The following LPA variants were observed in gnomAD, a reference collection of about 807,000 sequenced individuals.
LPA encodes the protein lipoprotein(a).
A neutral mutation model predicts 197.9 loss-of-function variants in LPA; 199 were observed. The observed-to-expected ratio is 1.01, with a 90% CI of 0.90 to 1.13. LPA has a LOEUF of 1.13. Among genes scored for constraint, LPA ranks in the 50% most tolerant of loss-of-function variants. LPA has a pLI of 0.00. For missense variants in LPA, 1,853 were observed against 1,785.8 expected (o/e 1.04, Z -0.68); for synonymous variants, 715 against 639.5 (o/e 1.12, Z -1.78).
intron 16 of LPA, among the ~76,000 whole-genome samples, chr6:160,610,571 C>G (rs1180717485): frequency 6.6e-6 from 1 of 152,124 alleles, no homozygotes; most frequent in East Asian, 1.9e-4. Flanking sequence ...TCTGTAGAAC[C>G]ATTTTCTGTG....
rs190587019 is a variant in LPA, at chr6:160,558,141, A to G, written c.4632-570T>C. On this transcript the variant is annotated intron_variant, in intron 28 of 38. Coordinates refer to ENST00000316300, the MANE Select transcript of LPA (RefSeq NM_005577.4). The stretch of plus-strand genomic sequence containing the variant: ...TCACCGTGTTAGCCAGGATGGTCTC[A>G]ATCTCCTGACCTCGTGATCCACCCA... 6.9e-3 allele frequency among the ~76,000 whole-genome samples: 1,052 copies of G among 152,018 alleles called. 15 individuals carry two copies. Among genetic ancestry groups the G allele is most frequent in the African/African-American group, 0.024 (994 of 41,474 alleles).
chr6:160,576,367 C>CATATATATATATATATATATGTAT (rs1778665884), intron 28 of LPA, among the ~76,000 whole-genome samples: 1 of 78,032 alleles, frequency 1.3e-5, no homozygotes, highest in African/African-American at 4.5e-5. Flanking sequence ...TATATATATA[C>CATATATATATATATATATATGTAT]ATATATATAT....
At chr6:160,544,359 GAAC>G (rs753869400) in intron 33 of LPA, among the ~76,000 whole-genome samples, 1 of 151,988 alleles carries the variant, frequency 6.6e-6, no homozygotes, top group Admixed American at 6.6e-5. Flanking sequence ...CGACAAAATA[GAAC>G]AAAAGCACCC....
At chr6:160,572,322 C>A (rs1410831668) in intron 28 of LPA, among the ~76,000 whole-genome samples, 1 of 152,154 alleles carries the variant, frequency 6.6e-6, no homozygotes, top group African/African-American at 2.4e-5. Flanking sequence ...TCCTATTCAG[C>A]CATCTTGCCA....
chr6:160,656,738 C>A (rs1367190777), intron 1 of LPA, among the ~76,000 whole-genome samples: 1 of 152,188 alleles, frequency 6.6e-6, no homozygotes, highest in Admixed American at 6.5e-5. Flanking sequence ...GGGATCCAGC[C>A]TCCCCTTCAT....
intron 28 of LPA, among the ~76,000 whole-genome samples, chr6:160,563,340 G>A (rs915976995): frequency 2.0e-5 from 3 of 152,200 alleles, no homozygotes; most frequent in African/African-American, 7.2e-5. Context: ...TAGTAATTCA[G>A]GAGCAGGTTG....
chr6:160,566,057 G>T (rs1373897642), intron 28 of LPA, among the ~76,000 whole-genome samples: 2 of 152,258 alleles, frequency 1.3e-5, no homozygotes, highest in Non-Finnish European at 2.9e-5. Flanking sequence ...ACATCTGCTT[G>T]GTGTACCTGA....
At position 160,585,122 on chromosome 6, in the gene LPA, T is replaced by G; in HGVS notation, c.4213A>C (p.Thr1405Pro). 1.2e-6 allele frequency: 2 copies of G among 1,613,884 alleles called. No homozygotes were observed. The highest frequency in any genetic ancestry group is 1.1e-5 in the South Asian group (1 of 91,084). ...SYRGTLSTTI[T>P]GRTCQSWSSM... ...GACCAAGACTGACATGTTCTTCCTG[T>G]GATAGTGGTGGAGAGTGTGCCTCGA... Residue 1405 changes from threonine to proline, a missense_variant, in exon 26 of 39, where the codon ACA becomes CCA. By Grantham distance (38) the Thr-to-Pro change is conservative. Transcript: ENST00000316300.
chr6:160,634,839 T>A (rs1468104221), intron 7 of LPA, among the ~76,000 whole-genome samples: 1 of 150,234 alleles, frequency 6.7e-6, no homozygotes, highest in Non-Finnish European at 1.5e-5. Flanking sequence ...CAATAAAAAT[T>A]TTGGCTAAGA....
intron 1 of LPA, among the ~76,000 whole-genome samples, chr6:160,654,508 C>T (rs1780097802): frequency 6.6e-6 from 1 of 152,066 alleles, no homozygotes; most frequent in Non-Finnish European, 1.5e-5. Flanking sequence ...TTAACCATCA[C>T]AAGTCCAACT....
At position 160,591,111 on chromosome 6, in the gene LPA, A is replaced by C. The variant is rs1779021820; in HGVS notation, c.3630-10T>G. 1.2e-6 allele frequency: 2 copies of C among 1,613,126 alleles called. No homozygotes were observed. Among genetic ancestry groups the C allele is most frequent in the Non-Finnish European group, 8.5e-7 (1 of 1,179,802 alleles). On this transcript the variant is annotated splice_polypyrimidine_tract_variant and intron_variant, in intron 22 of 38. Transcript: ENST00000316300. ...GTTCCTGGTCAGGCCACTGCAAATT[A>C]CAAAACAATACAGTTCACCAGAGAT...
At chr6:160,634,558 T>C (rs1421383901) in intron 7 of LPA, among the ~76,000 whole-genome samples, 2 of 142,250 alleles carry the variant, frequency 1.4e-5, no homozygotes, top group Non-Finnish European at 3.0e-5. Context: ...ACAAGTGCCA[T>C]CAGAAAGAGG....
intron 30 of LPA, 88 bp downstream of exon 30, chr6:160,555,937 G>A (rs1314412841): frequency 8.6e-7 from 1 of 1,167,892 alleles, no homozygotes; most frequent in East Asian, 2.4e-5. Context: ...AGGGAAATTT[G>A]TCCTAACAAG....
intron 23 of LPA, among the ~76,000 whole-genome samples, chr6:160,590,081 G>T (rs1311347894): frequency 1.3e-5 from 2 of 152,206 alleles, no homozygotes; most frequent in African/African-American, 4.8e-5. Context: ...GTGGTTGTCA[G>T]TGGGGGCAGA....
chr6:160,608,151 G>A (rs1383294722), intron 16 of LPA, among the ~76,000 whole-genome samples: 2 of 152,244 alleles, frequency 1.3e-5, no homozygotes, highest in African/African-American at 4.8e-5. Context: ...ATCTACATTT[G>A]CCAATTGCTG....
chr6:160,568,419 C>A (rs1359842478), intron 28 of LPA, among the ~76,000 whole-genome samples: 1 of 152,268 alleles, frequency 6.6e-6, no homozygotes, highest in Non-Finnish European at 1.5e-5. Flanking sequence ...GCAGAAAAGG[C>A]CTTTGACAAA....
At chr6:160,594,204 G>T (rs1779087283) in intron 21 of LPA, 87 bp from the exon 22 acceptor site, 1 of 1,529,524 alleles carries the variant, frequency 6.5e-7, no homozygotes, top group Admixed American at 1.7e-5. Flanking sequence ...CAGGATCATT[G>T]TCTCTGAGAA....
intron 38 of LPA, among the ~76,000 whole-genome samples, chr6:160,532,210 G>A (rs1777817994): frequency 6.6e-6 from 1 of 152,086 alleles, no homozygotes; most frequent in Non-Finnish European, 1.5e-5. Flanking sequence ...TCTCGGTCCT[G>A]TACCCTCTAC....
At chr6:160,579,395 T>C (rs41272128) in intron 26 of LPA, among the ~76,000 whole-genome samples, 2,491 of 152,256 alleles carry the variant, frequency 0.016, 91 homozygotes, top group African/African-American at 0.057. Flanking sequence ...GATGGGTTCA[T>C]GGGCACGACC....
Sources: allele counts gnomAD v4.1 joint callset (sites outside exome capture counted in the v4.1 genomes callset), GRCh38; gene constraint gnomAD v4.1.1; transcripts MANE v1.5; gene names NCBI Gene and HGNC (gene_info 2026-07-23, HGNC 2026-07-21).